GPR137B: variants seen among roughly 807,000 people sequenced by gnomAD.
GPR137B encodes integral membrane protein GPR137B.
GPR137B carries 42 observed loss-of-function variants against 42.5 expected under a neutral mutation model. The ratio of observed to expected loss-of-function variants is 0.99; its 90% confidence interval spans 0.77 to 1.28. The LOEUF is 1.28. GPR137B is among the 50% of genes most tolerant of loss of function. The pLI is 0.00. For missense variants in GPR137B, 487 were observed against 493.9 expected (o/e 0.99, Z 0.13); for synonymous variants, 218 against 209.7 (o/e 1.04, Z -0.34).
chr1:236,205,210 G>A lies in GPR137B; in HGVS notation c.1051G>A (p.Asp351Asn), dbSNP rs138218694. The change falls in exon 6 of 7, where the codon GAC (aspartate) becomes AAC (asparagine). Residue 351 changes from aspartate (D) to asparagine (N), a missense_variant. Physicochemically the swap from Asp to Asn is conservative, Grantham distance 23. Coordinates refer to ENST00000366592, the MANE Select transcript of GPR137B (RefSeq NM_003272.4). ...CCCTCGAAGATATGACAGTGATGAT[G>A]ACCTTGCCTGGAACATTGCCCCTCA... is the stretch of plus-strand genomic sequence containing the variant. ...DNPRRYDSDD[D>N]LAWNIAPQGL... is the part of the protein sequence containing the mutation. 4.7e-5 allele frequency: 76 copies of A among 1,613,318 alleles called. 2 individuals carry two copies. The African/African-American group carries it at 8.8e-4, about 19-fold the overall frequency.
At chr1:236,144,863 A>G (rs1261137891) in intron 1 of GPR137B, among the ~76,000 whole-genome samples, 1 of 152,252 alleles carries the variant, frequency 6.6e-6, no homozygotes, top group African/African-American at 2.4e-5. Flanking sequence ...GGGAACTGCC[A>G]CAGCTCTCTG....
chr1:236,158,998 G>T (rs1258241436), intron 1 of GPR137B, among the ~76,000 whole-genome samples: 1 of 152,206 alleles, frequency 6.6e-6, no homozygotes, highest in African/African-American at 2.4e-5. Context: ...TACCCACAAA[G>T]AATAGCAGGG....
rs1407881966 is a variant in GPR137B, at chr1:236,142,556, C to A, written c.-67C>A. ...TGCGGCTTGTTTTCTTTCCTCCAGT[C>A]TCGGGGCTGCAGGCTGAGCGCGATG... On this transcript the variant is annotated 5_prime_UTR_variant, in exon 1 of 7. Coordinates refer to ENST00000366592, the MANE Select transcript of GPR137B (RefSeq NM_003272.4). The A allele has an allele frequency of 1.0e-5, 9 of 864,130 alleles. No individual in the cohort carries two copies. The highest frequency in any genetic ancestry group is 1.2e-5 in the Non-Finnish European group (8 of 644,476). 53.5% of individuals were successfully genotyped at this position (864,130 alleles called of 1,614,324 possible).
At chr1:236,143,563 G>A (rs535180860) in intron 1 of GPR137B, among the ~76,000 whole-genome samples, 1 of 152,326 alleles carries the variant, frequency 6.6e-6, no homozygotes, top group East Asian at 1.9e-4. Flanking sequence ...CTCCGGCTTA[G>A]GAGCTCTACA....
intron 6 of GPR137B, chr1:236,207,309 A>G (rs902589817): frequency 2.4e-5 from 24 of 983,166 alleles, no homozygotes; most frequent in South Asian, 4.7e-5. Flanking sequence ...AACAAACAAG[A>G]AGGACTTCTT....
chr1:236,208,777 A>G lies in GPR137B; in HGVS notation c.*619A>G. 4 of 985,116 alleles carry G rather than the reference A, an allele frequency of 4.1e-6. No individual in the cohort carries two copies. Among genetic ancestry groups the G allele is most frequent in the Non-Finnish European group, 4.8e-6 (4 of 829,688 alleles). The allele number at this position is 985,116 out of a possible 1,614,324, so 61.0% of individuals were successfully genotyped here. A position where few individuals can be genotyped will look rare whatever the true frequency, so the allele number is the denominator to read the frequency against. ...GTTCAGGCCGTAGGTTCCTCAAGGA[A>G]TCTCTTAAGTTTTGCCCAAAGACTG... is the stretch of plus-strand genomic sequence containing the variant. On this transcript the variant is annotated 3_prime_UTR_variant, in exon 7 of 7. Coordinates refer to ENST00000366592, the MANE Select transcript of GPR137B (RefSeq NM_003272.4).
intron 1 of GPR137B, among the ~76,000 whole-genome samples, chr1:236,159,580 G>GGA (rs1662129349): frequency 6.6e-6 from 1 of 151,760 alleles, no homozygotes; most frequent in African/African-American, 2.4e-5. Context: ...GGCTGAGGCA[G>GGA]GAGAATCACT....
intron 2 of GPR137B, among the ~76,000 whole-genome samples, chr1:236,174,622 A>G (rs540956645): frequency 6.6e-6 from 1 of 152,338 alleles, no homozygotes; most frequent in East Asian, 1.9e-4. Context: ...AGAACATTAC[A>G]GTTAGAGTCT....
At chr1:236,186,110 T>C (rs1663008756) in intron 5 of GPR137B, among the ~76,000 whole-genome samples, 1 of 147,682 alleles carries the variant, frequency 6.8e-6, no homozygotes, top group Non-Finnish European at 1.5e-5. Flanking sequence ...TGTACTTAAT[T>C]CTTTTTTATT....
intron 5 of GPR137B, among the ~76,000 whole-genome samples, chr1:236,195,226 T>TG (rs1663299155): frequency 6.6e-6 from 1 of 151,622 alleles, no homozygotes. Flanking sequence ...TAAAATTCTT[T>TG]TTTTTTTTTT....
chr1:236,190,808 T>A (rs1362874852), intron 5 of GPR137B, among the ~76,000 whole-genome samples: 7 of 150,156 alleles, frequency 4.7e-5, no homozygotes, highest in Non-Finnish European at 1.1e-4. Flanking sequence ...CGATTATGTG[T>A]CTGACGATTA....
At chr1:236,151,417 CATTTTTT>C (rs1409798010) in intron 1 of GPR137B, among the ~76,000 whole-genome samples, 1 of 126,570 alleles carries the variant, frequency 7.9e-6, no homozygotes, top group Non-Finnish European at 1.6e-5. Flanking sequence ...GTTGCATATT[CATTTTTT>C]TTTTTTTTTT....
chr1:236,175,613 G>T (rs142350732), intron 2 of GPR137B, among the ~76,000 whole-genome samples: 7 of 152,112 alleles, frequency 4.6e-5, no homozygotes, highest in African/African-American at 1.4e-4. Flanking sequence ...CTCCCAAGCG[G>T]CCCTGCCTTT....
chr1:236,161,689 G>A (rs1160406883), intron 1 of GPR137B, among the ~76,000 whole-genome samples: 1 of 152,192 alleles, frequency 6.6e-6, no homozygotes, highest in African/African-American at 2.4e-5. Context: ...CTATTCTTGT[G>A]ATGGTGAATA....
chr1:236,143,073 GC>G, intron 1 of GPR137B, 37 bp downstream of exon 1: 1 of 1,558,438 alleles, frequency 6.4e-7, no homozygotes, highest in Non-Finnish European at 8.7e-7. Flanking sequence ...CGCTCACCTG[GC>G]GGGGTGGTCC....
intron 5 of GPR137B, among the ~76,000 whole-genome samples, chr1:236,186,262 T>TTATATATAA (rs1553365177): frequency 4.4e-5 from 1 of 22,900 alleles, no homozygotes; most frequent in Non-Finnish European, 9.4e-5. Flanking sequence ...ATAATATATA[T>TTATATATAA]TATATATTAT....
intron 1 of GPR137B, among the ~76,000 whole-genome samples, chr1:236,148,973 C>T (rs1380525560): frequency 1.3e-5 from 2 of 152,134 alleles, no homozygotes; most frequent in African/African-American, 2.4e-5. Context: ...AATACTCATC[C>T]CATGGGTCGG....
At chr1:236,185,609 G>T (rs1411594044) in intron 5 of GPR137B, among the ~76,000 whole-genome samples, 1 of 152,190 alleles carries the variant, frequency 6.6e-6, no homozygotes, top group African/African-American at 2.4e-5. Flanking sequence ...AGGCTGGAGT[G>T]CAGTGGCACG....
In GPR137B at chr1:236,192,805, GTT is replaced by G. The variant is rs536242947; in HGVS notation, c.966+8903_966+8904del. On this transcript the variant is annotated intron_variant, in intron 5 of 6. Coordinates refer to ENST00000366592, the MANE Select transcript of GPR137B (RefSeq NM_003272.4). ...TATTCGGCCATCTAATAGGTGATAT[GTT>G]TTTATCGCTGTATGACATCACTGGT... Among the ~76,000 whole-genome samples, 677 of 152,220 alleles carry G rather than the reference GTT, an allele frequency of 4.4e-3. 5 individuals carry two copies. Among genetic ancestry groups the G allele is most frequent in the African/African-American group, 0.015 (623 of 41,528 alleles).
Sources: gnomAD v4.1 joint callset for allele counts (sites outside exome capture counted in the v4.1 genomes callset) on GRCh38, gnomAD v4.1.1 for gene constraint, MANE v1.5 for transcripts, NCBI Gene and HGNC (gene_info 2026-07-23, HGNC 2026-07-21) for gene names.